The following DIS3 variants were observed in gnomAD, a reference collection of about 807,000 sequenced individuals.
DIS3 encodes the protein exosome complex exonuclease RRP44.
A neutral mutation model predicts 113.0 loss-of-function variants in DIS3; 103 were observed. That is an observed-to-expected ratio of 0.91 (90% CI 0.78 to 1.07). The LOEUF (loss-of-function observed/expected upper bound fraction) is 1.07. Among genes scored for constraint, DIS3 ranks in the 50% least tolerant of loss-of-function variants. DIS3 has a pLI of 0.00. For missense variants in DIS3, 1,121 were observed against 1,167.1 expected, an observed-to-expected ratio of 0.96 and a Z score of 0.58; for synonymous variants, 402 against 394.3, an observed-to-expected ratio of 1.02 and a Z score of -0.23.
Position 72,756,743 on chromosome 13 carries a change from C to T in DIS3, c.*3052G>A, listed in dbSNP as rs1454900590. 2.0e-5 allele frequency: 3 copies of T among 152,270 alleles called. No homozygotes were observed. The highest frequency in any genetic ancestry group is 7.2e-5 in the African/African-American group (3 of 41,440). 9.4% of individuals were successfully genotyped at this position (152,270 alleles called of 1,614,324 possible). A position where few individuals can be genotyped will look rare whatever the true frequency, so the allele number is the denominator to read the frequency against. ...GTCTGGCATTTCCACTGCTGGCAGT[C>T]ATTTTCATCCTGCCGCCCTGTGAAA... On this transcript the variant is annotated 3_prime_UTR_variant, in exon 21 of 21. Coordinates refer to ENST00000377767, the MANE Select transcript of DIS3 (RefSeq NM_014953.5).
rs2033546181 is a variant in DIS3 at position 72,758,395 on chromosome 13, C to A, written c.*1400G>T. The A allele has an allele frequency of 5.3e-6, 1 of 190,352 alleles. No individual in the cohort carries two copies. Among genetic ancestry groups the A allele is most frequent in the Admixed American group, 6.2e-5 (1 of 16,258 alleles). The allele number at this position is 190,352 out of a possible 1,614,324, so 11.8% of individuals were successfully genotyped here. A position where few individuals can be genotyped will look rare whatever the true frequency, so the allele number is the denominator to read the frequency against. On this transcript the variant is annotated 3_prime_UTR_variant, in exon 21 of 21. Transcript: ENST00000377767. ...TATATATGAAACTTAACAAATCAGG[C>A]CTTGTTGAAACACAGTCATGTTGAT...
At chr13:72,774,305 A>G (rs1233716160) in intron 6 of DIS3, among the ~76,000 whole-genome samples, 1 of 152,186 alleles carries the variant, frequency 6.6e-6, no homozygotes, top group Non-Finnish European at 1.5e-5. Context: ...ATAAATAAAT[A>G]TAACTGAATA....
At chr13:72,762,209 T>A in intron 16 of DIS3, 72 bp from the exon 17 acceptor site, 1 of 1,281,236 alleles carries the variant, frequency 7.8e-7, no homozygotes, top group Admixed American at 2.1e-5. Flanking sequence ...CTTCAAAATA[T>A]AACTGATCTG....
rs947844881 is a variant in DIS3, at chr13:72,754,928, A to C, written c.*4867T>G. 11 of 445,736 alleles carry C rather than the reference A, an allele frequency of 2.5e-5. No individual in the cohort carries two copies. The highest frequency in any genetic ancestry group is 2.0e-4 in the African/African-American group (10 of 49,442). 27.6% of individuals were successfully genotyped at this position (445,736 alleles called of 1,614,324 possible). On this transcript the variant is annotated 3_prime_UTR_variant, in exon 21 of 21. Coordinates refer to ENST00000377767, the MANE Select transcript of DIS3 (RefSeq NM_014953.5). The stretch of plus-strand genomic sequence containing the variant: ...AGGGTCTCACTATGTTGCCAGGGCT[A>C]GTCCCAAACTCCTGGGCTCGTGCGA...
chr13:72,762,393 G>T (rs753743601), intron 16 of DIS3, among the ~76,000 whole-genome samples: 1 of 152,080 alleles, frequency 6.6e-6, no homozygotes, highest in African/African-American at 2.4e-5. Context: ...TCTTCTCTTA[G>T]GTCTTTGGAA....
chr13:72,778,160 A>G, intron 3 of DIS3, 27 bp downstream of exon 3: 1 of 1,539,172 alleles, frequency 6.5e-7, no homozygotes, highest in Non-Finnish European at 8.9e-7. Context: ...GCAAACATGC[A>G]CTAAGTACTT....
intron 5 of DIS3, among the ~76,000 whole-genome samples, 185 bp downstream of exon 5, chr13:72,775,740 G>A (rs564993936): frequency 1.3e-5 from 2 of 150,802 alleles, no homozygotes; most frequent in East Asian, 1.9e-4. Context: ...AATGCCATGC[G>A]CAAAGATTTA....
rs183068570 is a variant in DIS3 at position 72,760,844 on chromosome 13, C to T, written c.2671-193G>A. ...GACCTACTTATGTGCTTACTTTCTCCTTCATTAAGGTATTTCTAATATATA... is the reference window on the plus strand; with the variant it reads ...GACCTACTTATGTGCTTACTTTCTCTTTCATTAAGGTATTTCTAATATATA... On this transcript the variant is annotated intron_variant, in intron 19 of 20. Coordinates refer to ENST00000377767, the MANE Select transcript of DIS3 (RefSeq NM_014953.5). Among the ~76,000 whole-genome samples the T allele has an allele frequency of 3.4e-3, 520 of 152,170 alleles. 1 individual carries two copies. Among genetic ancestry groups the T allele is most frequent in the Non-Finnish European group, 5.3e-3 (358 of 67,964 alleles).
rs116012983 is a variant in DIS3, at chr13:72,759,494, A to G, written c.*301T>C. Reference sequence around the variant, plus strand: ...TTACGCAAAATTAATCTGCTCCTCAATGAGATGAGCACTCCATTTAAATGA... The same window carrying G: ...TTACGCAAAATTAATCTGCTCCTCAGTGAGATGAGCACTCCATTTAAATGA... On this transcript the variant is annotated 3_prime_UTR_variant, in exon 21 of 21. Transcript: ENST00000377767. 902 of 258,808 alleles carry G rather than the reference A, an allele frequency of 3.5e-3. 15 individuals carry two copies. Among genetic ancestry groups the G allele is most frequent in the African/African-American group, 0.018 (823 of 46,156 alleles). The allele number at this position is 258,808 out of a possible 1,614,324, so 16.0% of individuals were successfully genotyped here. A position where few individuals can be genotyped will look rare whatever the true frequency, so the allele number is the denominator to read the frequency against.
At chr13:72,767,030 GT>G (rs745769546) in intron 14 of DIS3, among the ~76,000 whole-genome samples, 8 of 152,242 alleles carry the variant, frequency 5.3e-5, no homozygotes, top group Admixed American at 1.3e-4. Context: ...GGTCTGATAT[GT>G]ATTTATTAAT....
At chr13:72,772,669 C>G in intron 9 of DIS3, 24 bp downstream of exon 9, 4 of 1,583,506 alleles carry the variant, frequency 2.5e-6, no homozygotes, top group Non-Finnish European at 3.4e-6. Context: ...TTTATAAAGT[C>G]ACTACAAATT....
intron 13 of DIS3, 109 bp downstream of exon 13, chr13:72,770,793 TTA>T: frequency 4.3e-6 from 2 of 464,934 alleles, no homozygotes; most frequent in East Asian, 3.7e-5. Context: ...ATAAATATTT[TTA>T]TATATGTGTA....
intron 2 of DIS3, among the ~76,000 whole-genome samples, chr13:72,779,966 T>C (rs2034115286): frequency 6.6e-6 from 1 of 152,112 alleles, no homozygotes; most frequent in Non-Finnish European, 1.5e-5. Context: ...TATAACGTAA[T>C]AGGCAATATC....
intron 13 of DIS3, among the ~76,000 whole-genome samples, chr13:72,770,662 C>A (rs2033863495): frequency 6.6e-6 from 1 of 152,068 alleles, no homozygotes; most frequent in African/African-American, 2.4e-5. Context: ...TAAGCACGTG[C>A]CCGCAGCTGG....
rs2033739841 is a variant in DIS3, at chr13:72,766,059, CT to C, written c.1884-2del. 2 of 1,593,848 alleles carry C rather than the reference CT, an allele frequency of 1.3e-6. No individual in the cohort carries two copies. Among genetic ancestry groups the C allele is most frequent in the Non-Finnish European group, 1.7e-6 (2 of 1,170,984 alleles). ...TTCAGGAGAGGATAGAGTCAAAGCCCTACATAAAAATTAAAGAGAAAAATTA... is the reference window on the plus strand; with the variant it reads ...TTCAGGAGAGGATAGAGTCAAAGCCCACATAAAAATTAAAGAGAAAAATTA... On this transcript the variant is annotated splice_acceptor_variant, in intron 14 of 20. Transcript: ENST00000377767. LOFTEE classifies it high-confidence loss of function.
At chr13:72,774,308 A>C (rs888626664) in intron 6 of DIS3, among the ~76,000 whole-genome samples, 6 of 152,158 alleles carry the variant, frequency 3.9e-5, no homozygotes, top group African/African-American at 1.4e-4. Flanking sequence ...AATAAATATA[A>C]CTGAATACGT....
Position 72,753,411 on chromosome 13 carries a change from A to G in DIS3, c.*6384T>C, listed in dbSNP as rs549256093. ...TTTGTCTACTAGGTACGATCACAAAATAACAGGAAAGCATTGTGTCAGTAG... is the reference window on the plus strand; with the variant it reads ...TTTGTCTACTAGGTACGATCACAAAGTAACAGGAAAGCATTGTGTCAGTAG... On this transcript the variant is annotated 3_prime_UTR_variant, in exon 21 of 21. Transcript: ENST00000377767. 8.1e-6 allele frequency: 2 copies of G among 247,680 alleles called. No individual in the cohort carries two copies. Among genetic ancestry groups the G allele is most frequent in the East Asian group, 8.4e-5 (1 of 11,918 alleles). The allele number at this position is 247,680 out of a possible 1,614,324, so 15.3% of individuals were successfully genotyped here.
chr13:72,756,175 G>GAATAATCATATGTACCCTTAGGA lies in DIS3; in HGVS notation c.*3619_*3620insTCCTAAGGGTACATATGATTATT. 2.7e-6 allele frequency: 1 copy of GAATAATCATATGTACCCTTAGGA among 375,442 alleles called. No individual in the cohort carries two copies. The allele number at this position is 375,442 out of a possible 1,614,324, so 23.3% of individuals were successfully genotyped here. ...TTTAAAAACTGTCTCATTCAAAAGG[G>GAATAATCATATGTACCCTTAGGA]AATAAAGACCTGTGTTATCAATGTG... On this transcript the variant is annotated 3_prime_UTR_variant, in exon 21 of 21. Transcript: ENST00000377767.
At chr13:72,772,133 G>T (rs774134281) in intron 10 of DIS3, 26 bp downstream of exon 10, 1 of 1,554,532 alleles carries the variant, frequency 6.4e-7, no homozygotes, top group Middle Eastern at 1.7e-4. Flanking sequence ...CTATATTTAG[G>T]TAAGAACACT....
Sources: gnomAD v4.1 joint callset for allele counts (sites outside exome capture counted in the v4.1 genomes callset) on GRCh38, gnomAD v4.1.1 for gene constraint, MANE v1.5 for transcripts, NCBI Gene and HGNC (gene_info 2026-07-23, HGNC 2026-07-21) for gene names.